Variants in CACNA2D3 observed in about 807,000 individuals in gnomAD.
The protein encoded by CACNA2D3 is calcium voltage-gated channel auxiliary subunit alpha2delta 3, also known as voltage-dependent calcium channel subunit alpha-2/delta-3.
CACNA2D3 carries 60 observed loss-of-function variants against 160.6 expected under a neutral mutation model. The observed-to-expected ratio is 0.37, with a 90% CI of 0.30 to 0.46. The LOEUF (loss-of-function observed/expected upper bound fraction) is 0.46. CACNA2D3 is among the 20% of genes least tolerant of loss of function. CACNA2D3 has a pLI of 1.00. For missense variants in CACNA2D3, 1,205 were observed against 1,365.0 expected (o/e 0.88, Z 1.85); for synonymous variants, 558 against 492.9 (o/e 1.13, Z -1.75).
chr3:55,057,997 T>C (rs1243157897), intron 35 of CACNA2D3, among the ~76,000 whole-genome samples: 1 of 152,094 alleles, frequency 6.6e-6, no homozygotes, highest in Non-Finnish European at 1.5e-5. Flanking sequence ...CAAAAAAAAA[T>C]CCATAGGAAC....
At chr3:54,301,268 A>G (rs1045348053) in intron 2 of CACNA2D3, among the ~76,000 whole-genome samples, 2 of 150,028 alleles carry the variant, frequency 1.3e-5, no homozygotes, top group Admixed American at 1.3e-4. Flanking sequence ...AAACAAACAA[A>G]CAACAACAAC....
chr3:55,006,640 C>A (rs760860345), intron 32 of CACNA2D3, among the ~76,000 whole-genome samples: 3 of 152,148 alleles, frequency 2.0e-5, no homozygotes, highest in Non-Finnish European at 4.4e-5. Context: ...CTCGGTTGAA[C>A]CAGAGCAAGA....
At chr3:54,569,727 C>A in intron 6 of CACNA2D3, 68 bp from the exon 7 acceptor site, 2 of 1,255,768 alleles carry the variant, frequency 1.6e-6, no homozygotes, top group Non-Finnish European at 1.1e-6. Flanking sequence ...CAAAGTAGAG[C>A]AGCCTTGAAA....
At chr3:54,133,669 T>G (rs1476995422) in intron 2 of CACNA2D3, among the ~76,000 whole-genome samples, 1 of 152,182 alleles carries the variant, frequency 6.6e-6, no homozygotes. Context: ...CTTCTCCCTT[T>G]TTGTCATAAT....
At position 54,846,452 on chromosome 3, in the gene CACNA2D3, G is replaced by A. The variant is rs369598203; in HGVS notation, c.1611G>A (p.Pro537=). 70 of 1,596,718 alleles carry A rather than the reference G, an allele frequency of 4.4e-5. No individual in the cohort carries two copies. The highest frequency in any genetic ancestry group is 1.7e-4 in the Middle Eastern group (1 of 6,050). The change falls in exon 17 of 38, where the codon CCG becomes CCA. Residue 537 remains proline (P), a synonymous_variant. Coordinates refer to ENST00000474759, the MANE Select transcript of CACNA2D3 (RefSeq NM_018398.3). ...ATAATGGATATATCCTGACGCATCC[G>A]GAACTCAGGCTGCTGGTAAGAGAAA... is the stretch of plus-strand genomic sequence containing the variant. ...ITNNGYILTH[P]ELRLLYEEGK...
At chr3:54,732,710 A>G (rs1701414571) in intron 11 of CACNA2D3, among the ~76,000 whole-genome samples, 1 of 152,162 alleles carries the variant, frequency 6.6e-6, no homozygotes, top group African/African-American at 2.4e-5. Flanking sequence ...CTCCTTAGGA[A>G]GTCCCACTGA....
At chr3:54,432,148 G>A (rs1465064233) in intron 4 of CACNA2D3, among the ~76,000 whole-genome samples, 1 of 152,058 alleles carries the variant, frequency 6.6e-6, no homozygotes, top group African/African-American at 2.4e-5. Flanking sequence ...TATTTTTGTG[G>A]TCTCATTTTC....
intron 35 of CACNA2D3, among the ~76,000 whole-genome samples, chr3:55,054,718 A>T (rs1426679395): frequency 6.6e-6 from 1 of 151,848 alleles, no homozygotes; most frequent in African/African-American, 2.4e-5. Context: ...TTACTATGTG[A>T]CACAATTACT....
chr3:54,521,902 G>A (rs749142509), intron 5 of CACNA2D3, among the ~76,000 whole-genome samples: 7 of 152,168 alleles, frequency 4.6e-5, no homozygotes, highest in Non-Finnish European at 7.4e-5. Context: ...GGACTCTCAT[G>A]TCTATTGATC....
chr3:54,491,878 G>A (rs922874526), intron 4 of CACNA2D3, among the ~76,000 whole-genome samples: 3 of 152,180 alleles, frequency 2.0e-5, no homozygotes, highest in African/African-American at 7.2e-5. Context: ...GTAGGTGGTG[G>A]AGGAGAGGCT....
intron 5 of CACNA2D3, among the ~76,000 whole-genome samples, chr3:54,516,455 T>C (rs190223735): frequency 6.6e-5 from 10 of 152,306 alleles, no homozygotes; most frequent in Admixed American, 6.5e-4. Flanking sequence ...GGTTTCTACT[T>C]CAACAACTGC....
chr3:54,590,759 C>G (rs1702843689), intron 9 of CACNA2D3, among the ~76,000 whole-genome samples: 1 of 151,992 alleles, frequency 6.6e-6, no homozygotes, highest in Admixed American at 6.6e-5. Context: ...TTTATTATTT[C>G]ACACAGTTAC....
chr3:54,296,917 G>A (rs1703354258), intron 2 of CACNA2D3, among the ~76,000 whole-genome samples: 1 of 152,222 alleles, frequency 6.6e-6, no homozygotes, highest in Non-Finnish European at 1.5e-5. Context: ...AGCTGGGCTT[G>A]TGTCTGGGAT....
intron 2 of CACNA2D3, among the ~76,000 whole-genome samples, chr3:54,285,935 C>T (rs1322819830): frequency 2.6e-5 from 4 of 152,100 alleles, no homozygotes; most frequent in Non-Finnish European, 5.9e-5. Flanking sequence ...CTGTACGTCA[C>T]CATCATCAAA....
chr3:54,829,882 CATCTTTTTTTT>C (rs1703831553), intron 14 of CACNA2D3, among the ~76,000 whole-genome samples: 2 of 112,126 alleles, frequency 1.8e-5, no homozygotes, highest in African/African-American at 6.8e-5. Context: ...TCTTCTTCTT[CATCTTTTTTTT>C]TTTTTTTTTT....
At chr3:54,787,191 A>G (rs927989192) in intron 13 of CACNA2D3, among the ~76,000 whole-genome samples, 4 of 152,226 alleles carry the variant, frequency 2.6e-5, no homozygotes, top group East Asian at 3.8e-4. Flanking sequence ...GAATTCTGAA[A>G]TAGCTCATTT....
intron 35 of CACNA2D3, among the ~76,000 whole-genome samples, chr3:55,041,754 A>G (rs1327241409): frequency 6.6e-6 from 1 of 151,890 alleles, no homozygotes; most frequent in East Asian, 1.9e-4. Context: ...GAAAGCTTAG[A>G]TCATTATTTT....
intron 2 of CACNA2D3, among the ~76,000 whole-genome samples, chr3:54,149,656 G>A (rs1700102278): frequency 6.6e-6 from 1 of 152,118 alleles, no homozygotes; most frequent in South Asian, 2.1e-4. Context: ...TGGCTGGGTG[G>A]TCTCATCAGC....
At chr3:54,948,594 A>G (rs780205289) in intron 27 of CACNA2D3, among the ~76,000 whole-genome samples, 8 of 152,214 alleles carry the variant, frequency 5.3e-5, no homozygotes, top group Non-Finnish European at 1.2e-4. Context: ...CAGGCACACT[A>G]TGCTGGAAGG....
Sources: allele counts gnomAD v4.1 joint callset (sites outside exome capture counted in the v4.1 genomes callset), GRCh38; gene constraint gnomAD v4.1.1; transcripts MANE v1.5; gene names NCBI Gene and HGNC (gene_info 2026-07-23, HGNC 2026-07-21).